ANTXR1: variants seen among roughly 807,000 people sequenced by gnomAD.
ANTXR1 encodes ANTXR cell adhesion molecule 1, also known as anthrax toxin receptor 1.
Under a neutral mutation model 78.1 loss-of-function variants are expected in ANTXR1, and 19 were observed. The observed-to-expected ratio is 0.24, with a 90% CI of 0.17 to 0.36. ANTXR1 has a LOEUF of 0.36. ANTXR1 is among the 10% of genes least tolerant of loss of function. The pLI is 1.00. For missense variants in ANTXR1, 518 were observed against 718.6 expected, an observed-to-expected ratio of 0.72 and a Z score of 3.19; for synonymous variants, 273 against 260.5, an observed-to-expected ratio of 1.05 and a Z score of -0.46.
At chr2:69,186,838 G>T (rs1349740360) in intron 16 of ANTXR1, among the ~76,000 whole-genome samples, 4 of 152,224 alleles carry the variant, frequency 2.6e-5, no homozygotes, top group Non-Finnish European at 5.9e-5. Context: ...AGACCAAAGG[G>T]CAGCTAGGTG....
intron 14 of ANTXR1, among the ~76,000 whole-genome samples, chr2:69,176,213 C>A (rs7598675): frequency 0.2 from 30,711 of 151,698 alleles, 4,698 homozygotes; most frequent in East Asian, 0.48. Context: ...AAAATAAACA[C>A]CTTATTCTTT....
intron 8 of ANTXR1, 142 bp from the exon 9 acceptor site, chr2:69,090,717 A>G: frequency 6.8e-6 from 5 of 730,116 alleles, no homozygotes; most frequent in East Asian, 2.7e-5. Flanking sequence ...ACTAGTCAAG[A>G]TGTTAGACTC....
chr2:69,113,439 A>G (rs903940838), intron 10 of ANTXR1, among the ~76,000 whole-genome samples: 4 of 152,192 alleles, frequency 2.6e-5, no homozygotes, highest in African/African-American at 9.7e-5. Flanking sequence ...TTTGTTCAAC[A>G]TCCATTGAGA....
chr2:69,173,534 C>T (rs1674042992), intron 14 of ANTXR1, among the ~76,000 whole-genome samples: 1 of 152,216 alleles, frequency 6.6e-6, no homozygotes, highest in Non-Finnish European at 1.5e-5. Flanking sequence ...AATAGCTCCC[C>T]TCAGAAGGAG....
At chr2:69,163,343 A>G (rs1489890814) in intron 13 of ANTXR1, among the ~76,000 whole-genome samples, 1 of 151,944 alleles carries the variant, frequency 6.6e-6, no homozygotes, top group Non-Finnish European at 1.5e-5. Context: ...GTGGTTCCAA[A>G]TAAGACTGAA....
intron 12 of ANTXR1, among the ~76,000 whole-genome samples, chr2:69,125,725 T>C (rs1244045810): frequency 6.6e-6 from 1 of 151,914 alleles, no homozygotes; most frequent in Admixed American, 6.5e-5. Context: ...CCTGTAGTCC[T>C]AGCTACTCAG....
chr2:69,107,080 T>TA (rs1444794406), intron 10 of ANTXR1, among the ~76,000 whole-genome samples: 7 of 151,768 alleles, frequency 4.6e-5, no homozygotes, highest in Non-Finnish European at 8.8e-5. Context: ...GAACAGGAAA[T>TA]ATATGAACGA....
chr2:69,227,602 C>T (rs561441188), intron 17 of ANTXR1, among the ~76,000 whole-genome samples: 1 of 151,944 alleles, frequency 6.6e-6, no homozygotes, highest in Non-Finnish European at 1.5e-5. Context: ...TTTTTTTCCC[C>T]TCTCACATAT....
chr2:69,172,313 G>GTGT, intron 14 of ANTXR1: 1 of 1,462,078 alleles, frequency 6.8e-7, no homozygotes, highest in Non-Finnish European at 9.6e-7. Context: ...CTTAGCGTGT[G>GTGT]TGTTGGCCCT....
At chr2:69,110,725 G>T (rs1671952770) in intron 10 of ANTXR1, among the ~76,000 whole-genome samples, 1 of 152,076 alleles carries the variant, frequency 6.6e-6, no homozygotes, top group African/African-American at 2.4e-5. Flanking sequence ...AGCCAGGCAT[G>T]GTGGTGCGCA....
chr2:69,028,786 ACT>A (rs753657498), intron 1 of ANTXR1, among the ~76,000 whole-genome samples: 2 of 152,174 alleles, frequency 1.3e-5, no homozygotes, highest in East Asian at 1.9e-4. Context: ...AAAAAAATAC[ACT>A]GTTTCTGAAT....
chr2:69,030,622 A>G (rs938818695), intron 1 of ANTXR1, among the ~76,000 whole-genome samples: 3 of 152,214 alleles, frequency 2.0e-5, no homozygotes, highest in Admixed American at 2.0e-4. Context: ...TCTGAAAGAC[A>G]TCTCTGAATA....
chr2:69,248,813 G>A lies in ANTXR1; in HGVS notation c.*3328G>A, dbSNP rs1374513598. 6.6e-6 allele frequency: 1 copy of A among 152,160 alleles called. No homozygotes were observed. Among genetic ancestry groups the A allele is most frequent in the Non-Finnish European group, 1.5e-5 (1 of 68,030 alleles). The allele number at this position is 152,160 out of a possible 1,614,324, so 9.4% of individuals were successfully genotyped here. ...AATGCTGTGTAAAATGGTTGAATTA[G>A]TTTGCAAACTATATAAAGACATATG... On this transcript the variant is annotated 3_prime_UTR_variant, in exon 18 of 18. Transcript: ENST00000303714.
At chr2:69,042,699 T>TTC (rs1669646124) in intron 2 of ANTXR1, among the ~76,000 whole-genome samples, 1 of 152,160 alleles carries the variant, frequency 6.6e-6, no homozygotes, top group South Asian at 2.1e-4. Context: ...ATATCCTTAC[T>TTC]TCTCATTCAT....
At chr2:69,169,920 A>G (rs1673933657) in intron 13 of ANTXR1, among the ~76,000 whole-genome samples, 1 of 152,274 alleles carries the variant, frequency 6.6e-6, no homozygotes, top group Non-Finnish European at 1.5e-5. Flanking sequence ...TGATATGTGA[A>G]TGACTCGGTG....
At chr2:69,096,018 G>A (rs1053595898) in intron 9 of ANTXR1, among the ~76,000 whole-genome samples, 1 of 151,978 alleles carries the variant, frequency 6.6e-6, no homozygotes, top group Non-Finnish European at 1.5e-5. Flanking sequence ...CAGCACTTTG[G>A]GAGGCCAAGG....
intron 17 of ANTXR1, among the ~76,000 whole-genome samples, chr2:69,212,366 G>A (rs1341675192): frequency 6.6e-6 from 1 of 152,082 alleles, no homozygotes; most frequent in African/African-American, 2.4e-5. Context: ...AGTACTTAGT[G>A]GAAAAGAAGA....
intron 16 of ANTXR1, among the ~76,000 whole-genome samples, chr2:69,190,082 T>G (rs1301197743): frequency 1.3e-5 from 2 of 151,962 alleles, no homozygotes; most frequent in African/African-American, 2.4e-5. Flanking sequence ...GGCCACCATG[T>G]CAGGTGTAGG....
In ANTXR1 at chr2:69,188,765, C is replaced by T. The variant is rs77074037; in HGVS notation, c.1354-4570C>T. ...TGTGGAGAGGTTTGTGCATGACAGA[C>T]ATCCAAGTCTGAGATAGATAAAGCG... On this transcript the variant is annotated intron_variant, in intron 16 of 17. Transcript: ENST00000303714. Among the ~76,000 whole-genome samples the T allele has an allele frequency of 5.8e-3, 882 of 152,338 alleles. 8 individuals carry two copies. The highest frequency in any genetic ancestry group is 0.02 in the African/African-American group (842 of 41,570).
Sources: allele counts gnomAD v4.1 joint callset (sites outside exome capture counted in the v4.1 genomes callset), GRCh38; gene constraint gnomAD v4.1.1; transcripts MANE v1.5; gene names NCBI Gene and HGNC (gene_info 2026-07-23, HGNC 2026-07-21).